DNAAF9: variants seen among roughly 807,000 people sequenced by gnomAD.
DNAAF9 encodes dynein axonemal assembly factor 9.
A neutral mutation model predicts 167.0 loss-of-function variants in DNAAF9; 90 were observed. That is an observed-to-expected ratio of 0.54 (90% CI 0.45 to 0.64). The LOEUF (loss-of-function observed/expected upper bound fraction) is 0.64. Among genes scored for constraint, DNAAF9 ranks in the 30% least tolerant of loss-of-function variants. DNAAF9 has a pLI of 0.00. For missense variants in DNAAF9, 1,315 were observed against 1,442.2 expected (o/e 0.91, Z 1.43); for synonymous variants, 491 against 508.8 (o/e 0.96, Z 0.47).
At chr20:3,392,073 T>C (rs2083834804) in intron 1 of DNAAF9, among the ~76,000 whole-genome samples, 1 of 151,800 alleles carries the variant, frequency 6.6e-6, no homozygotes, top group Non-Finnish European at 1.5e-5. Flanking sequence ...ACTTAGGAGG[T>C]TGAGGTGGGG....
intron 31 of DNAAF9, among the ~76,000 whole-genome samples, chr20:3,262,357 TCTC>T (rs1054620640): frequency 8.6e-5 from 13 of 151,864 alleles, no homozygotes; most frequent in Admixed American, 7.9e-4. Context: ...TTCACGCCAT[TCTC>T]CTGCCTCAGC....
At chr20:3,253,300 G>T (rs1264070887) in intron 36 of DNAAF9, among the ~76,000 whole-genome samples, 1 of 152,222 alleles carries the variant, frequency 6.6e-6, no homozygotes, top group Non-Finnish European at 1.5e-5. Context: ...AATTAGCCGG[G>T]CACGGCGGCA....
intron 1 of DNAAF9, among the ~76,000 whole-genome samples, chr20:3,385,916 C>A (rs2083728730): frequency 6.6e-6 from 1 of 152,138 alleles, no homozygotes; most frequent in Non-Finnish European, 1.5e-5. Context: ...GTACTGATAT[C>A]AATTTTCCCT....
At chr20:3,322,929 G>T (rs2236119) in intron 14 of DNAAF9, among the ~76,000 whole-genome samples, 37,880 of 151,604 alleles carry the variant, frequency 0.25, 5,336 homozygotes, top group African/African-American at 0.37. Flanking sequence ...TCCTAAGGAC[G>T]GTCTTGACTC....
rs556833951 is a variant in DNAAF9, at chr20:3,395,128, C to T, written c.83+12347G>A. 6.7e-4 allele frequency among the ~76,000 whole-genome samples: 100 copies of T among 148,960 alleles called. 3 individuals carry two copies. Among genetic ancestry groups the T allele is most frequent in the Middle Eastern group, 3.4e-3 (1 of 294 alleles). ...GACTACAGGCGTGCGCCACCATGCC[C>T]GGCTAATTTTTTTTTTGTATTTTTA... On this transcript the variant is annotated intron_variant, in intron 1 of 36. Coordinates refer to ENST00000252032, the MANE Select transcript of DNAAF9 (RefSeq NM_001009984.3).
At chr20:3,275,328 G>C (rs141967504) in intron 29 of DNAAF9, among the ~76,000 whole-genome samples, 1 of 152,188 alleles carries the variant, frequency 6.6e-6, no homozygotes, top group African/African-American at 2.4e-5. Context: ...ACTCTGTTTG[G>C]TATCTTCTTG....
chr20:3,336,088 A>G (rs1469718472), intron 10 of DNAAF9, among the ~76,000 whole-genome samples: 1 of 152,062 alleles, frequency 6.6e-6, no homozygotes, highest in African/African-American at 2.4e-5. Flanking sequence ...GAGCCACTGC[A>G]CTCCAGCCTG....
At chr20:3,253,399 C>CCATTG (rs1224778606) in intron 36 of DNAAF9, among the ~76,000 whole-genome samples, 1 of 152,116 alleles carries the variant, frequency 6.6e-6, no homozygotes, top group Admixed American at 6.5e-5. Flanking sequence ...TGAGATTGCG[C>CCATTG]CATTGCACTC....
At chr20:3,301,179 T>C (rs997040746) in intron 21 of DNAAF9, among the ~76,000 whole-genome samples, 1 of 26,090 alleles carries the variant, frequency 3.8e-5, no homozygotes, top group Non-Finnish European at 8.3e-5. Context: ...CATGCTTGGC[T>C]TTTTTTTTTT....
At chr20:3,372,023 G>C (rs1174361400) in intron 6 of DNAAF9, among the ~76,000 whole-genome samples, 4 of 152,222 alleles carry the variant, frequency 2.6e-5, no homozygotes, top group African/African-American at 9.6e-5. Flanking sequence ...AAAAGCTGTG[G>C]CTGGGCCTGG....
chr20:3,284,071 A>T (rs932082794), intron 27 of DNAAF9, among the ~76,000 whole-genome samples: 1 of 150,342 alleles, frequency 6.7e-6, no homozygotes, highest in African/African-American at 2.5e-5. Context: ...CCCTGTTAGA[A>T]CCTCCCTCCC....
intron 12 of DNAAF9, among the ~76,000 whole-genome samples, chr20:3,326,914 AG>A (rs1328380390): frequency 6.6e-6 from 1 of 152,012 alleles, no homozygotes; most frequent in South Asian, 2.1e-4. Flanking sequence ...CTCTATGTGC[AG>A]GAACAGCTAC....
rs1568617177 is a variant in DNAAF9 at position 3,343,868 on chromosome 20, CATGTGCGTGT to C, written c.790-147_790-138del. The stretch of plus-strand genomic sequence containing the variant: ...GTGTGTGTGTGTGTGTGCGTGTGTG[CATGTGCGTGT>C]GTGTGACAGAGAGAGCTACAGAAAG... On this transcript the variant is annotated intron_variant, in intron 8 of 36. Coordinates refer to ENST00000252032, the MANE Select transcript of DNAAF9 (RefSeq NM_001009984.3). The C allele has an allele frequency of 2.3e-5, 13 of 574,508 alleles. No homozygotes were observed. In the Admixed American group the frequency reaches 2.5e-4, roughly 11 times the overall value. 35.6% of individuals were successfully genotyped at this position (574,508 alleles called of 1,614,324 possible).
intron 12 of DNAAF9, among the ~76,000 whole-genome samples, chr20:3,328,274 C>T (rs1036904519): frequency 5.9e-5 from 9 of 151,686 alleles, no homozygotes; most frequent in African/African-American, 7.3e-5. Flanking sequence ...CTCTGCCTCC[C>T]GGGTTCAAGC....
intron 7 of DNAAF9, among the ~76,000 whole-genome samples, chr20:3,354,171 G>A (rs1235927087): frequency 6.6e-6 from 1 of 152,182 alleles, no homozygotes; most frequent in Admixed American, 6.5e-5. Flanking sequence ...AGCAGCAAAA[G>A]CAGAAAAATA....
chr20:3,271,955 C>T (rs968881417), intron 29 of DNAAF9, among the ~76,000 whole-genome samples: 4 of 151,996 alleles, frequency 2.6e-5, no homozygotes, highest in African/African-American at 9.7e-5. Context: ...CAAACATACA[C>T]AACTAGAAAA....
At position 3,367,455 on chromosome 20, in the gene DNAAF9, T is replaced by C. The variant is rs75294344; in HGVS notation, c.612+6593A>G. 1.4e-3 allele frequency among the ~76,000 whole-genome samples: 209 copies of C among 152,344 alleles called. 1 individual carries two copies. The highest frequency in any genetic ancestry group is 4.9e-3 in the African/African-American group (203 of 41,584). On this transcript the variant is annotated intron_variant, in intron 6 of 36. Transcript: ENST00000252032. ...CAAGAGGTCTAGCTTTCAGCCTGTC[T>C]TGGCTTTCAACATGCCTCCTTCACC...
chr20:3,308,549 G>A (rs1260811420), intron 20 of DNAAF9, among the ~76,000 whole-genome samples: 1 of 151,816 alleles, frequency 6.6e-6, no homozygotes, highest in African/African-American at 2.4e-5. Flanking sequence ...TCACCACGCT[G>A]GCCAGGCTAG....
chr20:3,344,242 A>C (rs1340445961), intron 8 of DNAAF9, among the ~76,000 whole-genome samples: 1 of 152,212 alleles, frequency 6.6e-6, no homozygotes, highest in African/African-American at 2.4e-5. Context: ...GAAATCAATG[A>C]AATAAGTCTC....
Sources: allele counts gnomAD v4.1 joint callset (sites outside exome capture counted in the v4.1 genomes callset), GRCh38; gene constraint gnomAD v4.1.1; transcripts MANE v1.5; gene names NCBI Gene and HGNC (gene_info 2026-07-23, HGNC 2026-07-21).